The following ATXN7 variants were observed in gnomAD, a reference collection of about 807,000 sequenced individuals.
The protein encoded by ATXN7 is ataxin 7.
A neutral mutation model predicts 70.5 loss-of-function variants in ATXN7; 12 were observed. That is an observed-to-expected ratio of 0.17 (90% confidence interval 0.11 to 0.28). The LOEUF (loss-of-function observed/expected upper bound fraction) is 0.28, where lower values mean the gene tolerates loss of function less well. ATXN7 is among the 10% of genes least tolerant of loss of function. The pLI, the probability that ATXN7 is intolerant of heterozygous loss-of-function variation, is 1.00. For missense variants in ATXN7, 1,256 were observed against 1,131.7 expected, an observed-to-expected ratio of 1.11 and a Z score of -1.58; for synonymous variants, 498 against 448.7, an observed-to-expected ratio of 1.11 and a Z score of -1.39.
chr3:63,877,178 C>T (rs771461285), intron 1 of ATXN7, among the ~76,000 whole-genome samples: 1 of 152,010 alleles, frequency 6.6e-6, no homozygotes, highest in Non-Finnish European at 1.5e-5. Flanking sequence ...AAATTTGGGT[C>T]TTAAGGAAAA....
chr3:63,902,865 G>A, intron 2 of ATXN7, among the ~76,000 whole-genome samples: 1 of 151,786 alleles, frequency 6.6e-6, no homozygotes, highest in Middle Eastern at 3.4e-3. Context: ...CTTTATAAAA[G>A]GATAATCATC....
chr3:63,970,591 A>G (rs1440185356), intron 5 of ATXN7, among the ~76,000 whole-genome samples: 1 of 152,330 alleles, frequency 6.6e-6, no homozygotes, highest in Non-Finnish European at 1.5e-5. Context: ...CAGATATTCA[A>G]TAACTTTTTC....
At chr3:63,998,369 T>TGTATACACACAC in intron 12 of ATXN7, 1 of 985,330 alleles carries the variant, frequency 1.0e-6, no homozygotes, top group Non-Finnish European at 1.2e-6. Flanking sequence ...TATATATATA[T>TGTATACACACAC]GTATACACAC....
At chr3:63,990,696 G>C in intron 10 of ATXN7, 42 bp from the exon 11 acceptor site, 1 of 1,613,874 alleles carries the variant, frequency 6.2e-7, no homozygotes, top group Non-Finnish European at 8.5e-7. Flanking sequence ...GGGCATGCCA[G>C]TGTGGGAGTC....
intron 11 of ATXN7, among the ~76,000 whole-genome samples, chr3:63,994,225 GT>G (rs745975438): frequency 6.6e-6 from 1 of 152,012 alleles, no homozygotes; most frequent in Non-Finnish European, 1.5e-5. Flanking sequence ...GGGGTTTTGG[GT>G]TTTTTTGTTT....
At chr3:63,998,247 A>G (rs1385390721) in intron 12 of ATXN7, 14 of 975,344 alleles carry the variant, frequency 1.4e-5, no homozygotes, top group Non-Finnish European at 1.7e-5. Context: ...AGTGCCTACT[A>G]GAAATTGGGG....
intron 5 of ATXN7, among the ~76,000 whole-genome samples, chr3:63,958,340 C>T (rs780131825): frequency 6.6e-5 from 10 of 152,124 alleles, no homozygotes; most frequent in Non-Finnish European, 1.3e-4. Flanking sequence ...TGAGAAATTA[C>T]TCATACTTTT....
intron 5 of ATXN7, 92 bp downstream of exon 5, chr3:63,952,575 A>AC: frequency 1.3e-6 from 1 of 752,054 alleles, no homozygotes; most frequent in South Asian, 2.7e-5. Context: ...CATGGGACAT[A>AC]ATGTCCCTCC....
chr3:64,001,868 A>G lies in ATXN7; in HGVS notation c.*2401A>G, dbSNP rs2075836747. ...GGAGTACAAGTATTTTTTTGAATTA[A>G]ATTAACTTGCAAAAACCAAATTTGC... On this transcript the variant is annotated 3_prime_UTR_variant, in exon 13 of 13. Transcript: ENST00000674280. 6.6e-6 allele frequency: 1 copy of G among 152,122 alleles called. No individual in the cohort carries two copies. The highest frequency in any genetic ancestry group is 2.4e-5 in the African/African-American group (1 of 41,420). 9.4% of individuals were successfully genotyped at this position (152,122 alleles called of 1,614,324 possible).
chr3:63,871,909 ATTG>A (rs1278418047), intron 1 of ATXN7, among the ~76,000 whole-genome samples: 1 of 152,086 alleles, frequency 6.6e-6, no homozygotes, highest in Non-Finnish European at 1.5e-5. Context: ...TATCAATTAA[ATTG>A]TTCCTTTTTT....
chr3:63,967,116 A>T (rs554594862), intron 5 of ATXN7, among the ~76,000 whole-genome samples: 1 of 152,094 alleles, frequency 6.6e-6, no homozygotes, highest in Non-Finnish European at 1.5e-5. Flanking sequence ...GTGTCATTTG[A>T]CAGTAGATTT....
chr3:63,962,398 G>A (rs1232253595), intron 5 of ATXN7, among the ~76,000 whole-genome samples: 4 of 151,644 alleles, frequency 2.6e-5, no homozygotes, highest in African/African-American at 4.8e-5. Flanking sequence ...TAAAAAGGTC[G>A]TTAGAACTTC....
chr3:63,908,247 C>G (rs978291709), intron 2 of ATXN7, among the ~76,000 whole-genome samples: 2 of 152,202 alleles, frequency 1.3e-5, no homozygotes, highest in African/African-American at 4.8e-5. Flanking sequence ...TGTTCTCCCT[C>G]TACTGGAATA....
chr3:63,978,794 C>T (rs964052442), intron 5 of ATXN7, among the ~76,000 whole-genome samples: 6 of 152,136 alleles, frequency 3.9e-5, no homozygotes, highest in Non-Finnish European at 8.8e-5. Flanking sequence ...TGAAGTAATG[C>T]CCTTCCAGGA....
chr3:63,967,940 G>A (rs1015821342), intron 5 of ATXN7: 1 of 1,535,916 alleles, frequency 6.5e-7, no homozygotes. Flanking sequence ...CCTCTCCAAA[G>A]CAGCCCTTCT....
chr3:63,864,271 C>G (rs1366362862), intron 1 of ATXN7, among the ~76,000 whole-genome samples, 113 bp downstream of exon 1: 1 of 151,356 alleles, frequency 6.6e-6, no homozygotes, highest in African/African-American at 2.4e-5. Context: ...CCCGCCGCCC[C>G]ATCCAGGGTG....
At chr3:63,975,585 A>G (rs967090154) in intron 5 of ATXN7, among the ~76,000 whole-genome samples, 1 of 152,190 alleles carries the variant, frequency 6.6e-6, no homozygotes, top group Admixed American at 6.5e-5. Context: ...AGTTGTTTTC[A>G]AAGCAATATT....
At chr3:63,952,591 C>T in intron 5 of ATXN7, 108 bp downstream of exon 5, 1 of 593,754 alleles carries the variant, frequency 1.7e-6, no homozygotes, top group African/African-American at 1.9e-5. Flanking sequence ...CCTCCCCCAC[C>T]AGGAAGTAGG....
In ATXN7 at chr3:63,996,240, A is replaced by G. The variant is rs775139489; in HGVS notation, c.2418A>G (p.Pro806=). The G allele has an allele frequency of 1.2e-6, 2 of 1,614,156 alleles. No individual in the cohort carries two copies. The highest frequency in any genetic ancestry group is 1.7e-5 in the Admixed American group (1 of 60,014). The change falls in exon 12 of 13, where the codon CCA becomes CCG. Residue 806 remains proline (P), a synonymous_variant. Coordinates refer to ENST00000674280, the MANE Select transcript of ATXN7 (RefSeq NM_001377405.1). The part of the protein sequence containing the change: ...NSSDSTLSLG[P]FIHQSNELPV... ...GTGATTCTACTCTTTCTCTTGGGCC[A>G]TTCATTCACCAGTCCAATGAACTGC...
Sources: gnomAD v4.1 joint callset for allele counts (sites outside exome capture counted in the v4.1 genomes callset) on GRCh38, gnomAD v4.1.1 for gene constraint, MANE v1.5 for transcripts, NCBI Gene and HGNC (gene_info 2026-07-23, HGNC 2026-07-21) for gene names.